Variants in APOL3 observed in about 807,000 individuals in gnomAD.
The protein encoded by APOL3 is apolipoprotein L3.
In APOL3, 14 loss-of-function variants were observed where a neutral mutation model predicts 11.6. That is an observed-to-expected ratio of 1.21 (90% CI 0.80 to 1.89). The LOEUF is 1.89. APOL3 is among the 40% of genes most tolerant of loss of function. The pLI is 0.00. For missense variants in APOL3, 483 were observed against 492.1 expected (o/e 0.98, Z 0.17); for synonymous variants, 192 against 190.6 (o/e 1.01, Z -0.06).
intron 1 of APOL3, chr22:36,149,449 C>A: frequency 1.6e-6 from 2 of 1,227,932 alleles, no homozygotes; most frequent in South Asian, 1.3e-5. Context: ...AGTCTATACA[C>A]CGAAATAGAG....
At chr22:36,140,410 C>T (rs1436143244) in exon 3 of APOL3, 2 of 152,280 alleles carry the variant, frequency 1.3e-5, no homozygotes, top group African/African-American at 2.4e-5. Context: ...CCCCCAGTCT[C>T]TAAACTGCTT....
At chr22:36,160,696 A>T in exon 1 of APOL3, 1 of 1,614,102 alleles carries the variant, frequency 6.2e-7, no homozygotes, top group Non-Finnish European at 8.5e-7. Context: ...AAAGAGTGTG[A>T]GCAAGATCCA....
upstream of APOL3, among the ~76,000 whole-genome samples, chr22:36,162,267 G>C (rs144514027): frequency 6.5e-3 from 987 of 152,274 alleles, 12 homozygotes; most frequent in African/African-American, 0.023. Context: ...GAAGTTGGTG[G>C]TATAGTTTGT....
rs766985699 is a variant in APOL3 at position 36,142,009 on chromosome 22, C to T, written c.400G>A (p.Ala134Thr). 16 of 1,613,994 alleles carry T rather than the reference C, an allele frequency of 9.9e-6. 1 individual carries two copies. The South Asian group carries it at 1.6e-4, about 17-fold the overall frequency. Residue 134 changes from alanine to threonine, a missense_variant, in exon 3 of 3, where the codon GCA becomes ACA. Ala to Thr is a moderately conservative substitution (Grantham distance 58, BLOSUM62 0). Coordinates refer to ENST00000349314, the Ensembl canonical transcript of APOL3. Reference sequence around the variant, plus strand: ...TGCACATATTCGTCCTCAATAGCTGCATATGTTCTAAGCTTCTTCAGAGCT... The same window carrying T: ...TGCACATATTCGTCCTCAATAGCTGTATATGTTCTAAGCTTCTTCAGAGCT...
chr22:36,142,913 C>A (rs2060052864), intron 2 of APOL3, among the ~76,000 whole-genome samples: 1 of 152,198 alleles, frequency 6.6e-6, no homozygotes, highest in African/African-American at 2.4e-5. Flanking sequence ...GGAGGGTCCT[C>A]CCCACTTGCT....
chr22:36,143,971 T>A (rs549889157), intron 2 of APOL3, among the ~76,000 whole-genome samples: 2 of 152,156 alleles, frequency 1.3e-5, no homozygotes, highest in Non-Finnish European at 2.9e-5. Context: ...CCCTTCAAAT[T>A]ACCCAGTTGG....
chr22:36,153,722 G>T (rs2012227452), intron 1 of APOL3, among the ~76,000 whole-genome samples: 1 of 152,210 alleles, frequency 6.6e-6, no homozygotes, highest in Admixed American at 6.5e-5. Flanking sequence ...TGAGACTGGT[G>T]TCAGTTAATT....
intron 1 of APOL3, chr22:36,149,756 T>C (rs1368783750): frequency 2.3e-6 from 1 of 437,874 alleles, no homozygotes; most frequent in East Asian, 7.1e-5. Context: ...TATAAAAATA[T>C]TGACTCATGC....
At chr22:36,142,174 A>G in intron 2 of APOL3, 116 bp from the exon 4 acceptor site, 1 of 1,209,282 alleles carries the variant, frequency 8.3e-7, no homozygotes, top group African/African-American at 1.5e-5. Flanking sequence ...AAATGGAAAT[A>G]AAGCTTTAAA....
intron 1 of APOL3, among the ~76,000 whole-genome samples, chr22:36,148,118 G>T (rs1488350143): frequency 6.6e-6 from 1 of 152,234 alleles, no homozygotes; most frequent in East Asian, 1.9e-4. Flanking sequence ...AACATGAAAT[G>T]TCTTTCATTT....
exon 3 of APOL3, chr22:36,141,736 C>T: frequency 6.2e-7 from 1 of 1,614,086 alleles, no homozygotes; most frequent in Non-Finnish European, 8.5e-7. Context: ...GCTCCCAGCC[C>T]TACCCCAGCT....
intron 1 of APOL3, 32 bp downstream of exon 2, chr22:36,149,014 A>T: frequency 7.3e-7 from 1 of 1,367,840 alleles, no homozygotes; most frequent in Non-Finnish European, 9.8e-7. Context: ...GCGAGTAGGA[A>T]CCAGCCAGGG....
intron 1 of APOL3, among the ~76,000 whole-genome samples, chr22:36,156,489 C>T (rs1279068333): frequency 3.3e-5 from 5 of 152,292 alleles, no homozygotes; most frequent in African/African-American, 1.2e-4. Context: ...TGCTCCCTGC[C>T]CACACAGTCA....
chr22:36,165,597 T>C (rs2013839704), upstream of APOL3: 1 of 152,202 alleles, frequency 6.6e-6, no homozygotes, highest in Non-Finnish European at 1.5e-5. Context: ...GATGCTCATT[T>C]GATTTACAAG....
intron 2 of APOL3, among the ~76,000 whole-genome samples, chr22:36,144,968 G>A (rs920465991): frequency 5.8e-5 from 8 of 137,544 alleles, no homozygotes; most frequent in Admixed American, 3.2e-4. Context: ...CCGAGATCAT[G>A]CCACTGCACT....
At chr22:36,164,677 G>A (rs1418050576), upstream of APOL3, 8 of 152,102 alleles carry the variant, frequency 5.3e-5, no homozygotes, top group Non-Finnish European at 1.0e-4. Context: ...AGCTATTCTG[G>A]ATCTACCCTT....
upstream of APOL3, chr22:36,160,978 C>T: frequency 8.1e-7 from 1 of 1,233,982 alleles, no homozygotes. Flanking sequence ...CACCTGCCTC[C>T]CATACTTAGG....
upstream of APOL3, among the ~76,000 whole-genome samples, chr22:36,163,873 T>G (rs1287809931): frequency 2.0e-5 from 3 of 152,238 alleles, no homozygotes; most frequent in Admixed American, 6.5e-5. Context: ...TTAGTGGACC[T>G]CAAGCCTCTC....
chr22:36,144,356 G>T (rs2060108786), intron 2 of APOL3, among the ~76,000 whole-genome samples: 1 of 152,118 alleles, frequency 6.6e-6, no homozygotes, highest in African/African-American at 2.4e-5. Flanking sequence ...TGGGTCTTTG[G>T]ATGGCATCAT....
Sources: allele counts gnomAD v4.1 joint callset (sites outside exome capture counted in the v4.1 genomes callset), GRCh38; gene constraint gnomAD v4.1.1; transcripts MANE v1.5; gene names NCBI Gene and HGNC (gene_info 2026-07-23, HGNC 2026-07-21).